Variants in DLGAP2 observed in about 807,000 individuals in gnomAD.
DLGAP2 encodes disks large-associated protein 2.
A neutral mutation model predicts 100.3 loss-of-function variants in DLGAP2; 26 were observed. The observed-to-expected ratio is 0.26, with a 90% CI of 0.19 to 0.36. DLGAP2 has a LOEUF of 0.36. Ranked by LOEUF, DLGAP2 falls within the 10% of genes least tolerant of loss-of-function variation. The pLI is 1.00. For synonymous variants in DLGAP2, 886 were observed against 630.1 expected (o/e 1.41, Z -6.08); for missense variants, 1,858 against 1,453.2 (o/e 1.28, Z -4.53).
At chr8:891,860 C>T (rs1798042426) in intron 1 of DLGAP2, among the ~76,000 whole-genome samples, 2 of 152,154 alleles carry the variant, frequency 1.3e-5, no homozygotes, top group African/African-American at 2.4e-5. Context: ...GGGGGAGGAC[C>T]TTGGGAGAGC....
chr8:1,362,540 C>T (rs1037754038), intron 3 of DLGAP2, among the ~76,000 whole-genome samples: 1 of 152,138 alleles, frequency 6.6e-6, no homozygotes, highest in Admixed American at 6.5e-5. Context: ...TTGGCTTCCA[C>T]ACTAACCATG....
intron 2 of DLGAP2, among the ~76,000 whole-genome samples, chr8:958,503 G>C (rs1313342540): frequency 6.9e-6 from 1 of 145,180 alleles, no homozygotes; most frequent in Non-Finnish European, 1.5e-5. Flanking sequence ...GGCTCATTCA[G>C]ACATCTTTCT....
chr8:1,021,857 T>C (rs1241760916), intron 2 of DLGAP2, among the ~76,000 whole-genome samples: 2 of 152,130 alleles, frequency 1.3e-5, no homozygotes, highest in Non-Finnish European at 2.9e-5. Context: ...GCCTGTGACG[T>C]GTTCCTCTCC....
At chr8:1,153,975 C>T (rs1376280744) in intron 2 of DLGAP2, among the ~76,000 whole-genome samples, 1 of 151,948 alleles carries the variant, frequency 6.6e-6, no homozygotes, top group Non-Finnish European at 1.5e-5. Context: ...TCTTATTTTT[C>T]AGTAATTTTC....
At chr8:1,681,612 C>G (rs1161764051) in intron 12 of DLGAP2, among the ~76,000 whole-genome samples, 1 of 150,044 alleles carries the variant, frequency 6.7e-6, no homozygotes, top group Non-Finnish European at 1.5e-5. Flanking sequence ...GAGCCGAGAT[C>G]TCACCATCAC....
At chr8:1,235,381 A>T (rs2116843296) in intron 2 of DLGAP2, among the ~76,000 whole-genome samples, 1 of 145,764 alleles carries the variant, frequency 6.9e-6, no homozygotes, top group South Asian at 2.2e-4. Context: ...GTTCCCTCAC[A>T]CATGGCGTTG....
At chr8:746,029 G>A (rs922930196) in intron 1 of DLGAP2, among the ~76,000 whole-genome samples, 7 of 152,102 alleles carry the variant, frequency 4.6e-5, no homozygotes, top group African/African-American at 9.7e-5. Context: ...CTCTGCCCCC[G>A]TCACCCAGGC....
rs759195678 is a variant in DLGAP2, at chr8:1,655,525, C to T, written c.1811-12804C>T. ...GATGGAATGCTAATTTTCAAATTCC[C>T]GTTTGGTTTGCAAATGACTTTCAAG... On this transcript the variant is annotated intron_variant, in intron 8 of 14. Coordinates refer to ENST00000637795, the MANE Select transcript of DLGAP2 (RefSeq NM_001346810.2). Among the ~76,000 whole-genome samples the T allele has an allele frequency of 2.6e-5, 4 of 152,172 alleles. No individual in the cohort carries two copies. The South Asian group carries it at 6.2e-4, about 24-fold the overall frequency.
rs112669144 is a variant in DLGAP2, at chr8:1,514,467, C to T, written c.172+13036C>T. On this transcript the variant is annotated intron_variant, in intron 4 of 14. Transcript: ENST00000637795. Reference sequence around the variant, plus strand: ...ATTCAGCTACTGTATCAAGGAACAGCGAGAAAATATTGTGTTGGAGAATAT... The same window carrying T: ...ATTCAGCTACTGTATCAAGGAACAGTGAGAAAATATTGTGTTGGAGAATAT... Among the ~76,000 whole-genome samples, 840 of 152,196 alleles carry T rather than the reference C, an allele frequency of 5.5e-3. 9 individuals are homozygous for T. Among genetic ancestry groups the T allele is most frequent in the African/African-American group, 0.018 (728 of 41,504 alleles).
intron 8 of DLGAP2, among the ~76,000 whole-genome samples, chr8:1,640,916 C>T (rs536706517): frequency 1.8e-4 from 28 of 152,306 alleles, no homozygotes; most frequent in Admixed American, 1.4e-3. Context: ...ATCCGTTGTG[C>T]GCTAAGCCTA....
intron 2 of DLGAP2, among the ~76,000 whole-genome samples, chr8:1,117,850 TCA>T (rs768933674): frequency 1.3e-5 from 2 of 152,090 alleles, no homozygotes; most frequent in African/African-American, 2.4e-5. Flanking sequence ...CAGCACTGGT[TCA>T]CAGTTAGGCT....
At chr8:1,629,863 G>A (rs1206858957) in intron 7 of DLGAP2, among the ~76,000 whole-genome samples, 7 of 152,130 alleles carry the variant, frequency 4.6e-5, no homozygotes, top group Non-Finnish European at 8.8e-5. Context: ...GCGACTCGTC[G>A]TCCTGTTTGG....
intron 1 of DLGAP2, among the ~76,000 whole-genome samples, chr8:755,355 C>G (rs1449189424): frequency 6.6e-6 from 1 of 151,998 alleles, no homozygotes; most frequent in Non-Finnish European, 1.5e-5. Context: ...GTCTCAGCTA[C>G]TCGGGAGATG....
chr8:1,272,513 T>C (rs943771263), intron 3 of DLGAP2, among the ~76,000 whole-genome samples: 7 of 152,128 alleles, frequency 4.6e-5, no homozygotes, highest in African/African-American at 1.7e-4. Context: ...AGAATATATA[T>C]TCACATCTGT....
At chr8:845,036 A>G (rs114081577) in intron 1 of DLGAP2, among the ~76,000 whole-genome samples, 118 of 152,358 alleles carry the variant, frequency 7.7e-4, no homozygotes, top group African/African-American at 2.7e-3. Flanking sequence ...ATTCATTTGT[A>G]CAGATATACC....
At chr8:1,202,601 C>T (rs935082891) in intron 2 of DLGAP2, among the ~76,000 whole-genome samples, 5 of 152,296 alleles carry the variant, frequency 3.3e-5, no homozygotes, top group East Asian at 1.9e-4. Flanking sequence ...CCACAGAGGC[C>T]GTAACACGGG....
intron 1 of DLGAP2, among the ~76,000 whole-genome samples, chr8:862,326 G>A (rs1032332254): frequency 1.4e-5 from 2 of 146,444 alleles, no homozygotes; most frequent in Admixed American, 6.9e-5. Context: ...TTCTTGAGAC[G>A]TAGTCTCACT....
chr8:753,216 G>A (rs1820836862), intron 1 of DLGAP2, among the ~76,000 whole-genome samples: 1 of 152,134 alleles, frequency 6.6e-6, no homozygotes, highest in East Asian at 1.9e-4. Flanking sequence ...CGCAGAGGAG[G>A]GGCCCGGTAT....
chr8:1,280,678 G>A (rs1799797324), intron 3 of DLGAP2, among the ~76,000 whole-genome samples: 1 of 152,186 alleles, frequency 6.6e-6, no homozygotes, highest in African/African-American at 2.4e-5. Flanking sequence ...ATGGGCCATG[G>A]GCATGGAGGG....
Sources: allele counts gnomAD v4.1 joint callset (sites outside exome capture counted in the v4.1 genomes callset), GRCh38; gene constraint gnomAD v4.1.1; transcripts MANE v1.5; gene names NCBI Gene and HGNC (gene_info 2026-07-23, HGNC 2026-07-21).